KPNA5: variants seen among roughly 807,000 people sequenced by gnomAD.
KPNA5 encodes the protein karyopherin subunit alpha 5, also known as importin subunit alpha-6.
A neutral mutation model predicts 71.3 loss-of-function variants in KPNA5; 46 were observed. The observed-to-expected ratio is 0.65, with a 90% CI of 0.51 to 0.83. The LOEUF is 0.83. Ranked by LOEUF, KPNA5 falls within the 40% of genes least tolerant of loss-of-function variation. KPNA5 has a pLI of 0.00. For synonymous variants in KPNA5, 207 were observed against 201.4 expected, an observed-to-expected ratio of 1.03 and a Z score of -0.24; for missense variants, 547 against 628.3, an observed-to-expected ratio of 0.87 and a Z score of 1.38.
chr6:116,691,423 A>T (rs1004089359), intron 2 of KPNA5, among the ~76,000 whole-genome samples: 1 of 151,852 alleles, frequency 6.6e-6, no homozygotes, highest in African/African-American at 2.4e-5. Context: ...TTGGCTTCTT[A>T]TTTTTTATTG....
In KPNA5 at chr6:116,740,466, C is replaced by A. The variant is rs994770796; in HGVS notation, c.*8143C>A. 6.6e-6 allele frequency: 1 copy of A among 152,172 alleles called. No homozygotes were observed. The highest frequency in any genetic ancestry group is 2.4e-5 in the African/African-American group (1 of 41,430). 9.4% of individuals were successfully genotyped at this position (152,172 alleles called of 1,614,324 possible). A position where few individuals can be genotyped will look rare whatever the true frequency, so the allele number is the denominator to read the frequency against. On this transcript the variant is annotated 3_prime_UTR_variant, in exon 14 of 14. Transcript: ENST00000368564. ...CCTCAGTGATCTAGAACTAGAAATA[C>A]CATTTGACCCAGCCATCCCATTACT...
chr6:116,681,319 G>C lies in KPNA5; in HGVS notation c.-16G>C. 2.5e-6 allele frequency: 4 copies of C among 1,608,954 alleles called. No individual in the cohort carries two copies. Among genetic ancestry groups the C allele is most frequent in the Middle Eastern group, 3.3e-4 (2 of 6,032 alleles). ...CTGGGGACTGGGAAATCAGGGCATCGGAGAGTGCCACATTAATGGGTAAGT... is the reference window on the plus strand; with the variant it reads ...CTGGGGACTGGGAAATCAGGGCATCCGAGAGTGCCACATTAATGGGTAAGT... On this transcript the variant is annotated 5_prime_UTR_variant, in exon 1 of 14. Transcript: ENST00000368564.
intron 7 of KPNA5, among the ~76,000 whole-genome samples, chr6:116,705,453 A>G (rs1469833130): frequency 2.0e-5 from 3 of 152,226 alleles, no homozygotes; most frequent in Non-Finnish European, 4.4e-5. Flanking sequence ...TAAAATTTAC[A>G]TATTGCTATA....
chr6:116,709,573 C>T (rs1778575441), intron 7 of KPNA5, among the ~76,000 whole-genome samples: 1 of 152,076 alleles, frequency 6.6e-6, no homozygotes, highest in African/African-American at 2.4e-5. Context: ...TCCAAGTTGG[C>T]TGTGTGAATT....
chr6:116,715,706 G>A (rs1207941392), intron 7 of KPNA5, among the ~76,000 whole-genome samples: 2 of 151,908 alleles, frequency 1.3e-5, no homozygotes. Context: ...TCACGAGGTC[G>A]GGAGTTGAAG....
At chr6:116,699,697 G>T (rs1366589281) in intron 5 of KPNA5, among the ~76,000 whole-genome samples, 1 of 152,154 alleles carries the variant, frequency 6.6e-6, no homozygotes, top group Non-Finnish European at 1.5e-5. Flanking sequence ...CAATTATTTT[G>T]AACTAGAGAT....
chr6:116,708,078 A>G (rs907067506), intron 7 of KPNA5, among the ~76,000 whole-genome samples: 1 of 152,210 alleles, frequency 6.6e-6, no homozygotes, highest in Non-Finnish European at 1.5e-5. Context: ...TAGTGAATGT[A>G]TCAGGATTTC....
chr6:116,715,047 A>G (rs1778831399), intron 7 of KPNA5, among the ~76,000 whole-genome samples: 1 of 152,048 alleles, frequency 6.6e-6, no homozygotes, highest in Non-Finnish European at 1.5e-5. Flanking sequence ...GTTGCCATAA[A>G]CTTTTGACTA....
chr6:116,699,969 A>G (rs1329757280), intron 5 of KPNA5, among the ~76,000 whole-genome samples: 2 of 152,244 alleles, frequency 1.3e-5, no homozygotes, highest in Non-Finnish European at 2.9e-5. Flanking sequence ...CTGTGGTAAC[A>G]TCATATCCTT....
chr6:116,683,300 A>G (rs1435337929), intron 1 of KPNA5, among the ~76,000 whole-genome samples: 1 of 152,212 alleles, frequency 6.6e-6, no homozygotes, highest in African/African-American at 2.4e-5. Context: ...CGAATGTAGG[A>G]TGTGTGATTG....
At chr6:116,721,326 G>GT (rs1779097403) in intron 8 of KPNA5, among the ~76,000 whole-genome samples, 1 of 150,030 alleles carries the variant, frequency 6.7e-6, no homozygotes, top group Non-Finnish European at 1.5e-5. Flanking sequence ...CTTTTTTTTT[G>GT]TTTTTTAGTA....
At chr6:116,700,265 C>T (rs759791789) in intron 5 of KPNA5, among the ~76,000 whole-genome samples, 8 of 151,992 alleles carry the variant, frequency 5.3e-5, no homozygotes, top group East Asian at 1.9e-4. Flanking sequence ...TGAACCCAGG[C>T]GTTTGAGACC....
At chr6:116,715,914 CA>C (rs113069826) in intron 7 of KPNA5, among the ~76,000 whole-genome samples, 47 of 123,046 alleles carry the variant, frequency 3.8e-4, no homozygotes, top group Admixed American at 4.1e-4. Context: ...GACTCTGACT[CA>C]AAAAAAAAAA....
intron 6 of KPNA5, among the ~76,000 whole-genome samples, chr6:116,703,607 G>T (rs892157413): frequency 5.9e-5 from 9 of 151,726 alleles, no homozygotes; most frequent in African/African-American, 1.9e-4. Context: ...TTCAAAGTCA[G>T]ACTCCAAGAA....
chr6:116,710,873 T>TATATATATATATATA (rs1554256692), intron 7 of KPNA5, among the ~76,000 whole-genome samples: 2 of 84,880 alleles, frequency 2.4e-5, no homozygotes, highest in African/African-American at 4.2e-5. Flanking sequence ...TAATATTATT[T>TATATATATATATATA]TATATATATA....
chr6:116,685,905 G>A (rs9481654), intron 1 of KPNA5, among the ~76,000 whole-genome samples: 3,212 of 152,072 alleles, frequency 0.021, 114 homozygotes, highest in African/African-American at 0.073. Flanking sequence ...TTTGTTTTTT[G>A]ACTTTTTTTC....
Position 116,716,196 on chromosome 6 carries a change from CT to C in KPNA5, c.657-15del. 4.5e-6 allele frequency: 7 copies of C among 1,556,124 alleles called. 1 individual carries two copies. The highest frequency in any genetic ancestry group is 3.5e-5 in the South Asian group (3 of 86,376). On this transcript the variant is annotated intron_variant, in intron 7 of 13. Transcript: ENST00000368564. ...GAAAAATGAATGTAAGGTGATAATT[CT>C]TTTTTTTCTTTTTCTTGGCAGGTTA...
chr6:116,721,859 T>G (rs1043694372), intron 8 of KPNA5, among the ~76,000 whole-genome samples: 1 of 152,044 alleles, frequency 6.6e-6, no homozygotes, highest in Non-Finnish European at 1.5e-5. Context: ...TTTGTGGGGG[T>G]GTGTGTGATT....
At chr6:116,694,570 T>C (rs1583409045) in intron 4 of KPNA5, among the ~76,000 whole-genome samples, 1 of 152,158 alleles carries the variant, frequency 6.6e-6, no homozygotes, top group East Asian at 1.9e-4. Flanking sequence ...ATGCTTGTGA[T>C]TTTTGCACAT....
Sources: allele counts gnomAD v4.1 joint callset (sites outside exome capture counted in the v4.1 genomes callset), GRCh38; gene constraint gnomAD v4.1.1; transcripts MANE v1.5; gene names NCBI Gene and HGNC (gene_info 2026-07-23, HGNC 2026-07-21).